The following PDGFC variants were observed in gnomAD, a reference collection of about 807,000 sequenced individuals.
PDGFC encodes the protein platelet-derived growth factor C.
A neutral mutation model predicts 35.5 loss-of-function variants in PDGFC; 12 were observed. That is an observed-to-expected ratio of 0.34 (90% CI 0.22 to 0.55). PDGFC has a LOEUF of 0.55. Among genes scored for constraint, PDGFC ranks in the 20% least tolerant of loss-of-function variants. PDGFC has a pLI of 0.91. For synonymous variants in PDGFC, 159 were observed against 148.8 expected (o/e 1.07, Z -0.50); for missense variants, 322 against 412.4 (o/e 0.78, Z 1.90).
At chr4:156,796,686 C>T (rs976956217) in intron 3 of PDGFC, among the ~76,000 whole-genome samples, 1 of 151,766 alleles carries the variant, frequency 6.6e-6, no homozygotes, top group Non-Finnish European at 1.5e-5. Context: ...AGTGTACTTC[C>T]TTTTAGGCAA....
At chr4:156,959,884 G>A (rs749031390) in intron 1 of PDGFC, among the ~76,000 whole-genome samples, 8 of 151,614 alleles carry the variant, frequency 5.3e-5, no homozygotes, top group Non-Finnish European at 1.2e-4. Context: ...AGTTTAATGG[G>A]GTGCCCAACC....
At chr4:156,817,690 G>T (rs1170838927) in intron 2 of PDGFC, among the ~76,000 whole-genome samples, 1 of 150,850 alleles carries the variant, frequency 6.6e-6, no homozygotes, top group Non-Finnish European at 1.5e-5. Context: ...AACTCTAAAA[G>T]AACATATCAT....
In PDGFC at chr4:156,966,950, T is replaced by C. The variant is rs1469210004; in HGVS notation, c.118+3836A>G. Among the ~76,000 whole-genome samples, 4 of 152,000 alleles carry C rather than the reference T, an allele frequency of 2.6e-5. No individual in the cohort carries two copies. In the East Asian group the frequency reaches 7.7e-4, roughly 29 times the overall value. ...ACCTACTGTGAAAAGACAAAATTCA[T>C]CATTACATAATGGCACTGTACTTGT... On this transcript the variant is annotated intron_variant, in intron 1 of 5. Coordinates refer to ENST00000502773, the MANE Select transcript of PDGFC (RefSeq NM_016205.3).
intron 1 of PDGFC, among the ~76,000 whole-genome samples, chr4:156,897,795 G>A (rs1730670889): frequency 6.6e-6 from 1 of 152,062 alleles, no homozygotes; most frequent in Non-Finnish European, 1.5e-5. Context: ...CACATAAAAA[G>A]TTACACTCTG....
chr4:156,828,226 C>A (rs575251644), intron 2 of PDGFC, among the ~76,000 whole-genome samples: 3 of 152,094 alleles, frequency 2.0e-5, no homozygotes, highest in Admixed American at 6.6e-5. Context: ...CATTTTGCAG[C>A]GCAAATCACA....
chr4:156,948,716 G>C (rs1248753643), intron 1 of PDGFC, among the ~76,000 whole-genome samples: 2 of 151,934 alleles, frequency 1.3e-5, no homozygotes, highest in Non-Finnish European at 2.9e-5. Context: ...AGCCTTTATA[G>C]ATGAAATACT....
intron 1 of PDGFC, among the ~76,000 whole-genome samples, chr4:156,924,552 T>A (rs1378797045): frequency 1.3e-5 from 2 of 152,208 alleles, no homozygotes; most frequent in East Asian, 3.9e-4. Context: ...GGTGTCTTAA[T>A]TTTTATTCCC....
intron 1 of PDGFC, among the ~76,000 whole-genome samples, chr4:156,908,258 A>G (rs1579092371): frequency 6.6e-6 from 1 of 152,180 alleles, no homozygotes; most frequent in African/African-American, 2.4e-5. Context: ...TAGATCAATA[A>G]TAAAATATTA....
chr4:156,889,600 T>G (rs189364118), intron 1 of PDGFC, among the ~76,000 whole-genome samples: 20 of 152,304 alleles, frequency 1.3e-4, no homozygotes, highest in Non-Finnish European at 1.0e-4. Context: ...ATACAAAACT[T>G]GAACCTTTTT....
In PDGFC at chr4:156,767,741, G is replaced by A. The variant is rs202066472; in HGVS notation, c.921+32C>T. On this transcript the variant is annotated intron_variant, in intron 5 of 5. Coordinates refer to ENST00000502773, the MANE Select transcript of PDGFC (RefSeq NM_016205.3). ...TTTTGTTCTAAGACATAAAATACCC[G>A]AAGGAAACCAAAAAGAAAATTGTAT... The A allele has an allele frequency of 4.0e-5, 57 of 1,408,434 alleles. No homozygotes were observed. In the Middle Eastern group the frequency reaches 1.4e-3, roughly 35 times the overall value. The allele number at this position is 1,408,434 out of a possible 1,614,324, so 87.2% of individuals were successfully genotyped here. A position where few individuals can be genotyped will look rare whatever the true frequency, so the allele number is the denominator to read the frequency against.
chr4:156,862,664 C>T (rs546402999), intron 1 of PDGFC, among the ~76,000 whole-genome samples: 11 of 151,828 alleles, frequency 7.2e-5, no homozygotes, highest in Non-Finnish European at 1.3e-4. Flanking sequence ...TAAAACTACT[C>T]TATTTTATAG....
chr4:156,815,321 TTTAC>T (rs1560823229), intron 2 of PDGFC, among the ~76,000 whole-genome samples: 4 of 124,150 alleles, frequency 3.2e-5, no homozygotes, highest in Admixed American at 8.9e-5. Context: ...GAAATAATTT[TTTAC>T]ACACACACAC....
chr4:156,883,246 T>G (rs1448117664), intron 1 of PDGFC, among the ~76,000 whole-genome samples: 1 of 152,204 alleles, frequency 6.6e-6, no homozygotes, highest in Non-Finnish European at 1.5e-5. Context: ...TTTCATAATA[T>G]TGCACAGTTA....
At chr4:156,892,555 G>T (rs1315636213) in intron 1 of PDGFC, among the ~76,000 whole-genome samples, 2 of 151,890 alleles carry the variant, frequency 1.3e-5, no homozygotes, top group Admixed American at 1.3e-4. Context: ...TTGATGAATG[G>T]TGAAATGGAA....
intron 3 of PDGFC, among the ~76,000 whole-genome samples, chr4:156,803,191 G>C (rs1212840594): frequency 6.6e-6 from 1 of 152,080 alleles, no homozygotes. Context: ...AACCAAATGT[G>C]TCTGAGTGTA....
chr4:156,796,643 T>G (rs1441412727), intron 3 of PDGFC, among the ~76,000 whole-genome samples: 1 of 152,064 alleles, frequency 6.6e-6, no homozygotes, highest in East Asian at 1.9e-4. Flanking sequence ...TCCCATTTAT[T>G]TTCTCTGAAC....
intron 3 of PDGFC, among the ~76,000 whole-genome samples, chr4:156,781,281 C>T (rs1373855718): frequency 6.6e-6 from 1 of 152,102 alleles, no homozygotes; most frequent in Non-Finnish European, 1.5e-5. Context: ...CCATTGCTGC[C>T]ACTTTACAAT....
chr4:156,863,594 T>C lies in PDGFC; in HGVS notation c.119-13178A>G, dbSNP rs117687864. ...GTTTTACTGCTTTTCAGTGGGTTAT[T>C]TGTGGGGTGTTTCTAATATTACCAA... On this transcript the variant is annotated intron_variant, in intron 1 of 5. Transcript: ENST00000502773. Among the ~76,000 whole-genome samples the C allele has an allele frequency of 3.5e-3, 533 of 152,260 alleles. 18 individuals are homozygous for C. The East Asian group carries it at 0.077, about 22-fold the overall frequency.
At chr4:156,787,602 T>C (rs565972328) in intron 3 of PDGFC, among the ~76,000 whole-genome samples, 1 of 152,050 alleles carries the variant, frequency 6.6e-6, no homozygotes, top group East Asian at 1.9e-4. Flanking sequence ...GGAGAAGTAA[T>C]AGCCTTATTG....
Sources: allele counts gnomAD v4.1 joint callset (sites outside exome capture counted in the v4.1 genomes callset), GRCh38; gene constraint gnomAD v4.1.1; transcripts MANE v1.5; gene names NCBI Gene and HGNC (gene_info 2026-07-23, HGNC 2026-07-21).